KMT2C: variants seen among roughly 807,000 people sequenced by gnomAD.
KMT2C encodes lysine methyltransferase 2C, also known as histone-lysine N-methyltransferase 2C.
A neutral mutation model predicts 507.9 loss-of-function variants in KMT2C; 88 were observed. The ratio of observed to expected loss-of-function variants is 0.17; its 90% CI spans 0.15 to 0.21. KMT2C has a LOEUF of 0.21. Ranked by LOEUF, KMT2C falls within the 10% of genes least tolerant of loss-of-function variation. The pLI, the probability that KMT2C is intolerant of heterozygous loss-of-function variation, is 1.00. For synonymous variants in KMT2C, 2,049 were observed against 2,080.8 expected, an observed-to-expected ratio of 0.98 and a Z score of 0.42; for missense variants, 4,954 against 5,957.8, an observed-to-expected ratio of 0.83 and a Z score of 5.55.
intron 43 of KMT2C, among the ~76,000 whole-genome samples, chr7:152,160,115 T>C (rs927002106): frequency 3.9e-5 from 6 of 152,240 alleles, no homozygotes; most frequent in Admixed American, 6.5e-5. Context: ...CACGGACAAA[T>C]TTGAATTTTG....
At chr7:152,166,792 A>G (rs1176656174) in intron 42 of KMT2C, among the ~76,000 whole-genome samples, 1 of 152,034 alleles carries the variant, frequency 6.6e-6, no homozygotes, top group East Asian at 1.9e-4. Flanking sequence ...AATACTCTCA[A>G]TGATGTATAA....
At chr7:152,300,408 C>A (rs946151382) in intron 6 of KMT2C, among the ~76,000 whole-genome samples, 2 of 152,166 alleles carry the variant, frequency 1.3e-5, no homozygotes, top group African/African-American at 4.8e-5. Flanking sequence ...TTCACACATG[C>A]TAGGCAGAGA....
chr7:152,367,152 G>C, intron 1 of KMT2C: 1 of 1,370,072 alleles, frequency 7.3e-7, no homozygotes, highest in Non-Finnish European at 1.0e-6. Flanking sequence ...CTGGAGAAAC[G>C]AGGAAAATTC....
At chr7:152,166,882 T>C (rs2092754024) in intron 42 of KMT2C, among the ~76,000 whole-genome samples, 2 of 152,216 alleles carry the variant, frequency 1.3e-5, no homozygotes, top group Non-Finnish European at 2.9e-5. Context: ...AAAATAGTTC[T>C]TCGAAGTCGA....
At chr7:152,210,449 C>T (rs899334918) in intron 23 of KMT2C, among the ~76,000 whole-genome samples, 2 of 152,150 alleles carry the variant, frequency 1.3e-5, no homozygotes, top group African/African-American at 4.8e-5. Context: ...TGGTCTATAA[C>T]AAGCTTGTCC....
At chr7:152,224,667 T>C (rs1232620772) in intron 18 of KMT2C, 51 bp from the exon 19 acceptor site, 9 of 871,154 alleles carry the variant, frequency 1.0e-5, no homozygotes, top group Non-Finnish European at 1.7e-5. Context: ...CCTAACATAA[T>C]CAAATATACT....
intron 6 of KMT2C, among the ~76,000 whole-genome samples, chr7:152,306,580 TTAAG>T (rs2096617358): frequency 1.3e-5 from 2 of 152,218 alleles, no homozygotes; most frequent in Admixed American, 1.3e-4. Flanking sequence ...ATTAATAACA[TTAAG>T]TAATACATAA....
At chr7:152,416,420 C>T (rs936584109) in intron 1 of KMT2C, among the ~76,000 whole-genome samples, 1 of 152,296 alleles carries the variant, frequency 6.6e-6, no homozygotes, top group African/African-American at 2.4e-5. Context: ...TGGCAGGCAC[C>T]TGTAGTCCCA....
Position 152,157,503 on chromosome 7 carries a change from G to A in KMT2C, c.11671-1157C>T, listed in dbSNP as rs532289211. On this transcript the variant is annotated intron_variant, in intron 44 of 58. Coordinates refer to ENST00000262189, the MANE Select transcript of KMT2C (RefSeq NM_170606.3). ...TTTTAAGTGTTAATAAAGGTTATAAGGAAATAAGGATTTCCACTACCATGG... is the reference window on the plus strand; with the variant it reads ...TTTTAAGTGTTAATAAAGGTTATAAAGAAATAAGGATTTCCACTACCATGG... 1.3e-3 allele frequency among the ~76,000 whole-genome samples: 198 copies of A among 152,016 alleles called. 1 individual carries two copies. Among genetic ancestry groups the A allele is most frequent in the African/African-American group, 4.7e-3 (194 of 41,438 alleles).
Position 152,339,804 on chromosome 7 carries a change from T to C in KMT2C, c.251-9065A>G, listed in dbSNP as rs1469829537. ...GAATGATGTTCGATAGTTGCTTAAT[T>C]AATATTATATAATATAAAGCAAGCA... On this transcript the variant is annotated intron_variant, in intron 2 of 58. Coordinates refer to ENST00000262189, the MANE Select transcript of KMT2C (RefSeq NM_170606.3). Among the ~76,000 whole-genome samples the C allele has an allele frequency of 3.3e-5, 5 of 152,124 alleles. No individual in the cohort carries two copies. In the East Asian group the frequency reaches 9.6e-4, roughly 29 times the overall value.
chr7:152,400,469 T>C (rs941690976), intron 1 of KMT2C, among the ~76,000 whole-genome samples: 1 of 152,128 alleles, frequency 6.6e-6, no homozygotes, highest in African/African-American at 2.4e-5. Flanking sequence ...TCTAAAGGGA[T>C]GGATGAAAAT....
chr7:152,412,881 T>C (rs560934072), intron 1 of KMT2C, among the ~76,000 whole-genome samples: 8 of 152,370 alleles, frequency 5.3e-5, no homozygotes, highest in African/African-American at 1.2e-4. Context: ...ATCCTGATTA[T>C]AGATTATCAT....
intron 1 of KMT2C, chr7:152,367,584 A>T: frequency 7.8e-7 from 1 of 1,278,398 alleles, no homozygotes; most frequent in Non-Finnish European, 1.1e-6. Flanking sequence ...TGTATGCTCC[A>T]GAGTATCCAG....
intron 24 of KMT2C, among the ~76,000 whole-genome samples, chr7:152,206,718 A>G (rs895447329): frequency 7.2e-5 from 11 of 152,216 alleles, no homozygotes; most frequent in Admixed American, 4.6e-4. Context: ...GACAATTTTA[A>G]TAATTTTTTC....
At position 152,135,117 on chromosome 7, in the gene KMT2C, G is replaced by A; in HGVS notation, c.*1715C>T. The A allele has an allele frequency of 4.4e-6, 1 of 226,172 alleles. No individual in the cohort carries two copies. Among genetic ancestry groups the A allele is most frequent in the Non-Finnish European group, 8.8e-6 (1 of 113,504 alleles). 14.0% of individuals were successfully genotyped at this position (226,172 alleles called of 1,614,324 possible). A position where few individuals can be genotyped will look rare whatever the true frequency, so the allele number is the denominator to read the frequency against. On this transcript the variant is annotated 3_prime_UTR_variant, in exon 59 of 59. Coordinates refer to ENST00000262189, the MANE Select transcript of KMT2C (RefSeq NM_170606.3). ...TAGGATGTCAGGATATTGTACAAGAGAAGAAAAATATTCAGGAAACAAATT... is the reference window on the plus strand; with the variant it reads ...TAGGATGTCAGGATATTGTACAAGAAAAGAAAAATATTCAGGAAACAAATT...
chr7:152,166,454 T>A (rs917380163), intron 42 of KMT2C, among the ~76,000 whole-genome samples: 9 of 152,154 alleles, frequency 5.9e-5, no homozygotes, highest in African/African-American at 2.2e-4. Flanking sequence ...CTTGGGTAAA[T>A]ATACCTAGGA....
At chr7:152,194,404 C>A (rs1182660040) in intron 29 of KMT2C, 36 bp downstream of exon 29, 6 of 1,595,916 alleles carry the variant, frequency 3.8e-6, no homozygotes, top group Non-Finnish European at 5.1e-6. Flanking sequence ...TTACTCAGGT[C>A]TTTTAGAAAG....
chr7:152,166,889 T>C (rs2092754469), intron 42 of KMT2C, among the ~76,000 whole-genome samples: 1 of 152,172 alleles, frequency 6.6e-6, no homozygotes, highest in Non-Finnish European at 1.5e-5. Context: ...TTCTTCGAAG[T>C]CGAAATTATG....
At chr7:152,346,928 C>T (rs975117811) in intron 2 of KMT2C, among the ~76,000 whole-genome samples, 6 of 151,974 alleles carry the variant, frequency 3.9e-5, no homozygotes, top group Non-Finnish European at 5.9e-5. Flanking sequence ...AGATAAGAGA[C>T]CATCCTGGCT....
Sources: gnomAD v4.1 joint callset for allele counts (sites outside exome capture counted in the v4.1 genomes callset) on GRCh38, gnomAD v4.1.1 for gene constraint, MANE v1.5 for transcripts, NCBI Gene and HGNC (gene_info 2026-07-23, HGNC 2026-07-21) for gene names.